The following XYLB variants were observed in gnomAD, a reference collection of about 807,000 sequenced individuals.
The protein encoded by XYLB is xylulose kinase.
A neutral mutation model predicts 78.7 loss-of-function variants in XYLB; 62 were observed. The observed-to-expected ratio is 0.79, with a 90% CI of 0.64 to 0.97. The LOEUF is 0.97. Among genes scored for constraint, XYLB ranks in the 50% least tolerant of loss-of-function variants. The probability of loss-of-function intolerance (pLI) is 0.00; values close to 1 mark genes in which losing one functional copy is unlikely to be tolerated. For synonymous variants in XYLB, 245 were observed against 247.4 expected, an observed-to-expected ratio of 0.99 and a Z score of 0.09; for missense variants, 687 against 676.8, an observed-to-expected ratio of 1.02 and a Z score of -0.17.
At chr3:38,369,651 G>T (rs773572366) in intron 8 of XYLB, among the ~76,000 whole-genome samples, 11 of 152,232 alleles carry the variant, frequency 7.2e-5, no homozygotes, top group Non-Finnish European at 1.5e-4. Context: ...CCAGAAGGAA[G>T]TTTAGAGGAC....
At chr3:38,412,697 TTTTGTAGA>T (rs1454322934) in intron 18 of XYLB, among the ~76,000 whole-genome samples, 1 of 152,338 alleles carries the variant, frequency 6.6e-6, no homozygotes, top group Admixed American at 6.5e-5. Flanking sequence ...TTTTTTGAAA[TTTTGTAGA>T]TTTGATCATA....
intron 15 of XYLB, among the ~76,000 whole-genome samples, chr3:38,394,507 T>A (rs568474310): frequency 4.3e-4 from 66 of 152,364 alleles, no homozygotes; most frequent in South Asian, 4.1e-4. Flanking sequence ...TACTTATATA[T>A]TTTAGTTGTT....
At chr3:38,428,532 A>G in the XYLB span, among the ~76,000 whole-genome samples, 1 of 152,168 alleles carries the variant, frequency 6.6e-6, no homozygotes, top group African/African-American at 2.4e-5. Flanking sequence ...GGACTGTTAT[A>G]TCTTCATGAT....
At chr3:38,383,328 T>A (rs908800937) in intron 15 of XYLB, among the ~76,000 whole-genome samples, 5 of 152,174 alleles carry the variant, frequency 3.3e-5, no homozygotes, top group African/African-American at 4.8e-5. Context: ...CTGCTTTTTT[T>A]AAGGAACAAT....
At chr3:38,423,354 G>C (rs1709037874), downstream of XYLB, among the ~76,000 whole-genome samples, 1 of 152,196 alleles carries the variant, frequency 6.6e-6, no homozygotes, top group Non-Finnish European at 1.5e-5. Flanking sequence ...TTACAGGTGT[G>C]AGCCACCATG....
intron 2 of XYLB, among the ~76,000 whole-genome samples, chr3:38,359,646 A>G (rs865815716): frequency 6.6e-6 from 1 of 152,250 alleles, no homozygotes; most frequent in African/African-American, 2.4e-5. Context: ...GTTTAGGGAC[A>G]CTGGGTTGAC....
At chr3:38,437,873 C>A in the XYLB span, among the ~76,000 whole-genome samples, 6 of 152,250 alleles carry the variant, frequency 3.9e-5, no homozygotes, top group African/African-American at 1.2e-4. Flanking sequence ...AGATAGAGAC[C>A]ACCCTGGCCA....
chr3:38,411,895 A>G (rs62239911), intron 18 of XYLB, among the ~76,000 whole-genome samples: 10,010 of 151,604 alleles, frequency 0.066, 501 homozygotes, highest in East Asian at 0.19. Context: ...CCTCCTACCT[A>G]CTAAGTTGTT....
rs764118655 is a variant in XYLB, at chr3:38,346,884, C to T, written c.16C>T (p.Pro6Ser). Residue 6 changes from proline to serine, a missense_variant, in exon 1 of 19, where the codon CCT becomes TCT. Transcript: ENST00000207870. MAEHAPRRCCLGWDFS... is the reference protein window; with the variant it reads MAEHASRRCCLGWDFS... The stretch of plus-strand genomic sequence containing the variant: ...CCGAAAGGCCATGGCGGAGCACGCC[C>T]CTCGCCGCTGCTGCCTGGGCTGGGA... 1.2e-5 allele frequency: 19 copies of T among 1,520,356 alleles called. No homozygotes were observed. The highest frequency in any genetic ancestry group is 1.6e-5 in the Non-Finnish European group (18 of 1,137,000). 94.2% of individuals were successfully genotyped at this position (1,520,356 alleles called of 1,614,324 possible). A position where few individuals can be genotyped will look rare whatever the true frequency, so the allele number is the denominator to read the frequency against.
At chr3:38,412,287 G>C (rs1276195019) in intron 18 of XYLB, among the ~76,000 whole-genome samples, 2 of 152,102 alleles carry the variant, frequency 1.3e-5, no homozygotes, top group East Asian at 1.9e-4. Context: ...TACCATGCCC[G>C]GCCAGATCTC....
rs757829007 is a variant in XYLB, at chr3:38,348,617, A to T, written c.125A>T (p.Asp42Val). 1 of 1,614,140 alleles carries T rather than the reference A, an allele frequency of 6.2e-7. No individual in the cohort carries two copies. Among genetic ancestry groups the T allele is most frequent in the African/African-American group, 1.3e-5 (1 of 75,026 alleles). Residue 42 changes from aspartate to valine, a missense_variant, in exon 2 of 19, where the codon GAT (aspartate) becomes GTT (valine). By Grantham distance (152) the Asp-to-Val change is radical (BLOSUM62 -3). Coordinates refer to ENST00000207870, the MANE Select transcript of XYLB (RefSeq NM_005108.4). ...FYEESVHFDR[D>V]LPEFGTQGGV... ...GAGGAAAGTGTGCATTTTGACAGAG[A>T]TCTTCCAGAATTTGGGTATGTACTT...
chr3:38,401,689 G>T (rs7433707), intron 18 of XYLB, among the ~76,000 whole-genome samples: 2 of 152,084 alleles, frequency 1.3e-5, no homozygotes, highest in South Asian at 2.1e-4. Flanking sequence ...CCCCAGGATG[G>T]GGTGAGGCAG....
the XYLB span, among the ~76,000 whole-genome samples, chr3:38,444,455 T>G: frequency 1.2e-4 from 18 of 152,314 alleles, no homozygotes; most frequent in East Asian, 3.5e-3. Flanking sequence ...TCCTGTGGAA[T>G]GAAAATTGCA....
the XYLB span, among the ~76,000 whole-genome samples, chr3:38,430,633 G>C: frequency 6.6e-6 from 1 of 152,112 alleles, no homozygotes; most frequent in Admixed American, 6.5e-5. Flanking sequence ...CTTGCCCATG[G>C]CTATGTCCTG....
rs1159036300 is a variant in XYLB, at chr3:38,346,882, C to T, written c.14C>T (p.Ala5Val). The T allele has an allele frequency of 5.9e-6, 9 of 1,520,430 alleles. No individual in the cohort carries two copies. In the East Asian group the frequency reaches 1.4e-4, roughly 23 times the overall value. The allele number at this position is 1,520,430 out of a possible 1,614,324, so 94.2% of individuals were successfully genotyped here. Residue 5 changes from alanine (A) to valine (V), a missense_variant, in exon 1 of 19, where the codon GCC becomes GTC. Ala to Val is a moderately conservative substitution (Grantham distance 64). Coordinates refer to ENST00000207870, the MANE Select transcript of XYLB (RefSeq NM_005108.4). ...ACCCGAAAGGCCATGGCGGAGCACG[C>T]CCCTCGCCGCTGCTGCCTGGGCTGG... Reference protein sequence around the residue: MAEHAPRRCCLGWDF... With the variant: MAEHVPRRCCLGWDF...
intron 3 of XYLB, among the ~76,000 whole-genome samples, chr3:38,360,800 G>A (rs1336832250): frequency 6.6e-6 from 1 of 152,160 alleles, no homozygotes; most frequent in Admixed American, 6.5e-5. Context: ...TTGGGAGGCC[G>A]AGGCAGGTGG....
At chr3:38,380,572 T>C (rs1707099565) in intron 15 of XYLB, among the ~76,000 whole-genome samples, 1 of 152,184 alleles carries the variant, frequency 6.6e-6, no homozygotes, top group Non-Finnish European at 1.5e-5. Context: ...TTGAATCAAC[T>C]GAGTAAAAGG....
intron 15 of XYLB, among the ~76,000 whole-genome samples, chr3:38,388,907 T>C (rs1413227712): frequency 6.7e-6 from 1 of 149,964 alleles, no homozygotes; most frequent in Admixed American, 6.6e-5. Context: ...ACTTCCTTTA[T>C]TTTACTAAAG....
chr3:38,447,417 C>T, the XYLB span, among the ~76,000 whole-genome samples: 5 of 151,938 alleles, frequency 3.3e-5, no homozygotes, highest in South Asian at 1.0e-3. Context: ...GATCCTCCCA[C>T]TTCAGCCTCC....
Sources: allele counts gnomAD v4.1 joint callset (sites outside exome capture counted in the v4.1 genomes callset), GRCh38; gene constraint gnomAD v4.1.1; transcripts MANE v1.5; gene names NCBI Gene and HGNC (gene_info 2026-07-23, HGNC 2026-07-21).